Variants in KNL1 observed in about 807,000 individuals in gnomAD.
KNL1 encodes the protein kinetochore scaffold 1.
KNL1 carries 66 observed loss-of-function variants against 201.3 expected under a neutral mutation model. The ratio of observed to expected loss-of-function variants is 0.33; its 90% CI spans 0.27 to 0.40. The LOEUF is 0.40. KNL1 is among the 10% of genes least tolerant of loss of function. KNL1 has a pLI of 1.00. For missense variants in KNL1, 2,815 were observed against 2,690.5 expected (o/e 1.05, Z -1.02); for synonymous variants, 895 against 899.2 (o/e 1.00, Z 0.08).
intron 6 of KNL1, 100 bp from the exon 7 acceptor site, chr15:40,611,378 A>AT (rs1354330995): frequency 1.2e-5 from 2 of 170,206 alleles, no homozygotes; most frequent in African/African-American, 2.4e-5. Context: ...AAGTTCTGGG[A>AT]TTACAGGCAT....
chr15:40,614,391 C>G (rs1595919909), intron 7 of KNL1, among the ~76,000 whole-genome samples: 1 of 152,304 alleles, frequency 6.6e-6, no homozygotes, highest in African/African-American at 2.4e-5. Flanking sequence ...AGCCACCACA[C>G]CCGGCCTAAT....
chr15:40,622,853 A>G lies in KNL1; in HGVS notation c.2589A>G (p.Val863=), dbSNP rs1389633547. ...GACCAAAAATTGATAAGACTATTGT[A>G]TTTTCAGAAGACGATAAGAATGATA... The part of the protein sequence containing the change: ...VGGPKIDKTI[V]FSEDDKNDMD... The change falls in exon 10 of 26, where the codon GTA becomes GTG. Residue 863 remains valine, a synonymous_variant. Coordinates refer to ENST00000399668, the MANE Select transcript of KNL1 (RefSeq NM_144508.5). 3 of 1,613,558 alleles carry G rather than the reference A, an allele frequency of 1.9e-6. No homozygotes were observed. The highest frequency in any genetic ancestry group is 3.3e-5 in the Admixed American group (2 of 59,944).
intron 8 of KNL1, among the ~76,000 whole-genome samples, chr15:40,618,666 TA>T (rs781433090): frequency 3.3e-4 from 51 of 152,302 alleles, no homozygotes; most frequent in Non-Finnish European, 6.6e-4. Context: ...TATGAAATTT[TA>T]TATGTTCCCA....
In KNL1 at chr15:40,621,177, G is replaced by A. The variant is rs1232745161; in HGVS notation, c.913G>A (p.Glu305Lys). ...CACATCCAGTGAGACCAACTCACGG[G>A]AATCTAAAGGTAATGATATTACAAT... is the stretch of plus-strand genomic sequence containing the variant. ...IPTSSETNSR[E>K]SKGNDITIYG... The change falls in exon 10 of 26, where the codon GAA becomes AAA. Residue 305 changes from glutamate to lysine, a missense_variant. This residue lies in a region of KNL1 where 2,464 missense variants were observed against 2,291.7 expected (regional missense o/e 1.08). Coordinates refer to ENST00000399668, the MANE Select transcript of KNL1 (RefSeq NM_144508.5). The A allele has an allele frequency of 1.2e-6, 2 of 1,612,882 alleles. No individual in the cohort carries two copies. Among genetic ancestry groups the A allele is most frequent in the South Asian group, 2.2e-5 (2 of 90,986 alleles).
intron 17 of KNL1, among the ~76,000 whole-genome samples, chr15:40,649,504 C>T (rs1011215524): frequency 3.3e-5 from 5 of 152,022 alleles, no homozygotes; most frequent in African/African-American, 1.2e-4. Context: ...CCATCTTGGC[C>T]AGGCTGGTCT....
Position 40,651,460 on chromosome 15 carries a change from T to A in KNL1, c.6213-11T>A, listed in dbSNP as rs1486304978. ...AACCTTATCTCTCTGAATACCTGCT[T>A]TTATTTGCAGAAATCTCTTAGAACT... On this transcript the variant is annotated splice_polypyrimidine_tract_variant and intron_variant, in intron 19 of 25. Transcript: ENST00000399668. 1.9e-6 allele frequency: 3 copies of A among 1,576,962 alleles called. No homozygotes were observed. The highest frequency in any genetic ancestry group is 2.7e-5 in the African/African-American group (2 of 73,126).
At chr15:40,617,269 A>G (rs12907448) in intron 8 of KNL1, among the ~76,000 whole-genome samples, 38,646 of 152,016 alleles carry the variant, frequency 0.25, 6,042 homozygotes, top group Middle Eastern at 0.37. Flanking sequence ...TATAAATGCT[A>G]TTTTCTCTAT....
At chr15:40,594,653 G>GT (rs1891568508) in intron 1 of KNL1, among the ~76,000 whole-genome samples, 3 of 152,346 alleles carry the variant, frequency 2.0e-5, no homozygotes, top group Admixed American at 2.0e-4. Context: ...CCCGGCTCGG[G>GT]TTGCTTGTCC....
intron 21 of KNL1, 72 bp from the exon 22 acceptor site, chr15:40,654,837 C>G: frequency 8.5e-7 from 1 of 1,173,568 alleles, no homozygotes; most frequent in Non-Finnish European, 1.3e-6. Context: ...CCATTGCACT[C>G]CAGCCTGGGA....
intron 13 of KNL1, among the ~76,000 whole-genome samples, chr15:40,638,264 GGGGGA>G (rs1893118820): frequency 2.9e-5 from 3 of 103,150 alleles, no homozygotes; most frequent in Admixed American, 1.1e-4. Flanking sequence ...GGGAGGGGGA[GGGGGA>G]AGGAAGGGAA....
Position 40,624,218 on chromosome 15 carries a change from T to A in KNL1, c.3954T>A (p.Ser1318Arg). The change falls in exon 10 of 26, where the codon AGT (serine) becomes AGA (arginine). Residue 1318 changes from serine (S) to arginine (R), a missense_variant. Ser to Arg is a moderately radical substitution (Grantham distance 110). Around this residue, in one of 3 missense-constraint regions of KNL1, gnomAD observed 2,464 missense variants for 2,291.7 expected, o/e 1.08. Coordinates refer to ENST00000399668, the MANE Select transcript of KNL1 (RefSeq NM_144508.5). ...VISCTDNLEGSAMLLCDKDEE... is the reference protein window; with the variant it reads ...VISCTDNLEGRAMLLCDKDEE... ...CCTGTACTGATAATTTGGAGGGTAG[T>A]GCCATGCTCTTATGTGATAAAGATG... is the stretch of plus-strand genomic sequence containing the variant. The A allele has an allele frequency of 1.2e-6, 2 of 1,613,924 alleles. No homozygotes were observed. Among genetic ancestry groups the A allele is most frequent in the Non-Finnish European group, 1.7e-6 (2 of 1,179,928 alleles).
At position 40,602,937 on chromosome 15, in the gene KNL1, T is replaced by A. The variant is rs770812511; in HGVS notation, c.6T>A (p.Asp2Glu). 6.3e-7 allele frequency: 1 copy of A among 1,592,110 alleles called. No individual in the cohort carries two copies. Among genetic ancestry groups the A allele is most frequent in the Non-Finnish European group, 8.6e-7 (1 of 1,162,952 alleles). ...CAGAAAAGTTTTCTTCAAAAATGGA[T>A]GGGGTGTCTTCAGAGGCTAATGAAG... M[D>E]GVSSEANEEN... Residue 2 changes from aspartate (D) to glutamate (E), a missense_variant, in exon 2 of 26, where the codon GAT becomes GAA. Transcript: ENST00000399668.
At chr15:40,615,179 A>G (rs2141712052) in intron 7 of KNL1, among the ~76,000 whole-genome samples, 162 bp from the exon 8 acceptor site, 1 of 152,230 alleles carries the variant, frequency 6.6e-6, no homozygotes, top group Admixed American at 6.5e-5. Flanking sequence ...ATGTCTTTAT[A>G]ATTTTCTGCA....
chr15:40,629,565 G>A (rs1446736490), intron 13 of KNL1, among the ~76,000 whole-genome samples, 194 bp downstream of exon 13: 5 of 131,586 alleles, frequency 3.8e-5, no homozygotes, highest in Admixed American at 1.8e-4. Flanking sequence ...ATGCAGTGGC[G>A]CCATCTCAGC....
intron 13 of KNL1, among the ~76,000 whole-genome samples, chr15:40,629,694 G>A (rs1024240623): frequency 6.6e-6 from 1 of 151,306 alleles, no homozygotes; most frequent in Non-Finnish European, 1.5e-5. Context: ...GTAGAGACAG[G>A]GTTTCACCAT....
At chr15:40,654,878 T>G (rs1258117952) in intron 21 of KNL1, 31 bp from the exon 22 acceptor site, 37 of 1,582,412 alleles carry the variant, frequency 2.3e-5, no homozygotes, top group Non-Finnish European at 3.0e-5. Flanking sequence ...CTAAAAAAAT[T>G]TTTAAAAATC....
At chr15:40,635,628 A>G (rs567792607) in intron 13 of KNL1, among the ~76,000 whole-genome samples, 1 of 152,242 alleles carries the variant, frequency 6.6e-6, no homozygotes, top group East Asian at 1.9e-4. Flanking sequence ...TGCTGGGATT[A>G]TAGGTGTAAG....
intron 12 of KNL1, 25 bp from the exon 13 acceptor site, chr15:40,629,248 T>C (rs1466221790): frequency 7.0e-7 from 1 of 1,422,328 alleles, no homozygotes; most frequent in Non-Finnish European, 9.7e-7. Context: ...TGAATGGTCA[T>C]GCAAACTTTT....
At chr15:40,617,540 G>A (rs1892380692) in intron 8 of KNL1, among the ~76,000 whole-genome samples, 3 of 152,122 alleles carry the variant, frequency 2.0e-5, no homozygotes. Context: ...TAGGTAACAA[G>A]CAGTTCACAG....
Sources: gnomAD v4.1 joint callset for allele counts (sites outside exome capture counted in the v4.1 genomes callset) on GRCh38, gnomAD v4.1.1 for gene constraint, gnomAD v4.1.1 regional missense constraint, MANE v1.5 for transcripts, NCBI Gene and HGNC (gene_info 2026-07-23, HGNC 2026-07-21) for gene names.